ELF2: variants seen among roughly 807,000 people sequenced by gnomAD.
The protein encoded by ELF2 is E74 like ETS transcription factor 2, also known as ETS-related transcription factor Elf-2.
ELF2 carries 11 observed loss-of-function variants against 54.8 expected under a neutral mutation model. The ratio of observed to expected loss-of-function variants is 0.20; its 90% CI spans 0.13 to 0.33. The LOEUF (loss-of-function observed/expected upper bound fraction) is 0.33, where lower values mean the gene tolerates loss of function less well. ELF2 is among the 10% of genes least tolerant of loss of function. The pLI, the probability that ELF2 is intolerant of heterozygous loss-of-function variation, is 1.00. For missense variants in ELF2, 513 were observed against 703.0 expected (o/e 0.73, Z 3.06); for synonymous variants, 203 against 245.1 (o/e 0.83, Z 1.61).
At chr4:139,169,574 TTGGCCGGGCGCGGTGGCTCA>T (rs1294030497) in intron 1 of ELF2, among the ~76,000 whole-genome samples, 3 of 151,998 alleles carry the variant, frequency 2.0e-5, no homozygotes, top group Admixed American at 2.0e-4. Flanking sequence ...AAAATCTGTC[TTGGCCGGGCGCGGTGGCTCA>T]TGCCTGTAAT....
At chr4:139,097,436 G>A (rs1578786043) in intron 4 of ELF2, among the ~76,000 whole-genome samples, 1 of 152,068 alleles carries the variant, frequency 6.6e-6, no homozygotes, top group African/African-American at 2.4e-5. Context: ...GCAAATATGG[G>A]TGAAACCCCG....
At chr4:139,172,531 T>A (rs1193740476) in intron 1 of ELF2, among the ~76,000 whole-genome samples, 1 of 152,078 alleles carries the variant, frequency 6.6e-6, no homozygotes, top group East Asian at 1.9e-4. Context: ...TAACCCTTAT[T>A]TTACTTAACA....
chr4:139,093,603 G>A (rs993502848), intron 4 of ELF2, among the ~76,000 whole-genome samples: 2 of 152,036 alleles, frequency 1.3e-5, no homozygotes, highest in African/African-American at 2.4e-5. Flanking sequence ...ATCCTCAAAC[G>A]ACAAGACTTC....
chr4:139,081,332 G>A (rs182485367), intron 4 of ELF2, among the ~76,000 whole-genome samples: 28 of 152,006 alleles, frequency 1.8e-4, no homozygotes, highest in African/African-American at 5.8e-4. Flanking sequence ...CACCTCAAAA[G>A]GAAGAAAAGC....
chr4:139,069,542 T>C (rs1291011208), intron 6 of ELF2, among the ~76,000 whole-genome samples: 1 of 152,160 alleles, frequency 6.6e-6, no homozygotes, highest in Non-Finnish European at 1.5e-5. Flanking sequence ...GCTTAATATA[T>C]TTTCTCATAA....
intron 4 of ELF2, among the ~76,000 whole-genome samples, chr4:139,103,385 C>A (rs1337271340): frequency 6.6e-6 from 1 of 152,204 alleles, no homozygotes; most frequent in Non-Finnish European, 1.5e-5. Flanking sequence ...GGACTTTCAG[C>A]CCCACTCCCA....
intron 3 of ELF2, among the ~76,000 whole-genome samples, chr4:139,129,790 A>G (rs1737304101): frequency 6.6e-6 from 1 of 152,180 alleles, no homozygotes; most frequent in Non-Finnish European, 1.5e-5. Context: ...GCACCTTTTC[A>G]CATCACAATC....
At chr4:139,106,802 G>C (rs1365051780) in intron 4 of ELF2, among the ~76,000 whole-genome samples, 1 of 146,800 alleles carries the variant, frequency 6.8e-6, no homozygotes, top group East Asian at 2.0e-4. Context: ...GGAGTGCAAT[G>C]GCTTGATCTC....
chr4:139,152,479 A>ACAC (rs1280239143), intron 1 of ELF2, among the ~76,000 whole-genome samples: 1 of 151,992 alleles, frequency 6.6e-6, no homozygotes, highest in Non-Finnish European at 1.5e-5. Context: ...CCACAGGCAT[A>ACAC]CACCACCATG....
intron 7 of ELF2, 110 bp from the exon 8 acceptor site, chr4:139,062,167 G>T (rs1298310226): frequency 5.1e-5 from 57 of 1,111,580 alleles, no homozygotes; most frequent in Non-Finnish European, 6.3e-5. Flanking sequence ...GAATATACTT[G>T]TTTCTACTTT....
intron 7 of ELF2, chr4:139,067,314 T>A (rs1177777349): frequency 5.9e-6 from 1 of 169,568 alleles, no homozygotes; most frequent in Non-Finnish European, 1.3e-5. Flanking sequence ...AAGAAAGAAA[T>A]TATTAGAAAC....
At chr4:139,095,490 A>G (rs1159070132) in intron 4 of ELF2, among the ~76,000 whole-genome samples, 1 of 152,044 alleles carries the variant, frequency 6.6e-6, no homozygotes, top group Non-Finnish European at 1.5e-5. Context: ...AGCCTGCTAT[A>G]GATTTTTAAT....
chr4:139,171,865 AG>A (rs1361322220), intron 1 of ELF2, among the ~76,000 whole-genome samples: 1 of 152,336 alleles, frequency 6.6e-6, no homozygotes, highest in African/African-American at 2.4e-5. Context: ...GAGAGGTTGC[AG>A]TGAGCTGAGA....
At chr4:139,136,623 A>G (rs1684471728) in intron 3 of ELF2, 1 of 151,672 alleles carries the variant, frequency 6.6e-6, no homozygotes, top group South Asian at 2.1e-4. Flanking sequence ...CATTATTATG[A>G]CGGCTATTGA....
intron 1 of ELF2, among the ~76,000 whole-genome samples, chr4:139,155,831 A>T (rs1042135620): frequency 2.6e-5 from 4 of 152,182 alleles, no homozygotes; most frequent in African/African-American, 4.8e-5. Context: ...CATAAGCCAG[A>T]ACTGAAGATA....
At chr4:139,157,895 G>A (rs1740707413) in intron 1 of ELF2, among the ~76,000 whole-genome samples, 1 of 152,238 alleles carries the variant, frequency 6.6e-6, no homozygotes. Flanking sequence ...CTCGGGGCCA[G>A]TGGCGCAATG....
chr4:139,165,194 G>T (rs970520815), intron 1 of ELF2, among the ~76,000 whole-genome samples: 1 of 152,128 alleles, frequency 6.6e-6, no homozygotes, highest in Non-Finnish European at 1.5e-5. Flanking sequence ...AGGGTTTGGG[G>T]TTTTTGTTTG....
intron 4 of ELF2, among the ~76,000 whole-genome samples, chr4:139,088,992 G>A (rs1054803316): frequency 6.6e-6 from 1 of 152,116 alleles, no homozygotes; most frequent in African/African-American, 2.4e-5. Flanking sequence ...CCTGACCTCA[G>A]GTGATCTGCC....
intron 3 of ELF2, among the ~76,000 whole-genome samples, chr4:139,129,409 A>C (rs1345911516): frequency 6.6e-6 from 1 of 152,210 alleles, no homozygotes; most frequent in Non-Finnish European, 1.5e-5. Flanking sequence ...CTATGCTGAT[A>C]ATGACTAAGT....
Sources: gnomAD v4.1 joint callset for allele counts (sites outside exome capture counted in the v4.1 genomes callset) on GRCh38, gnomAD v4.1.1 for gene constraint, MANE v1.5 for transcripts, NCBI Gene and HGNC (gene_info 2026-07-23, HGNC 2026-07-21) for gene names.